KNDC1: variants seen among roughly 807,000 people sequenced by gnomAD.
KNDC1 encodes the protein kinase non-catalytic C-lobe domain-containing protein 1.
In KNDC1, 106 loss-of-function variants were observed where a neutral mutation model predicts 172.8. The observed-to-expected ratio is 0.61, with a 90% CI of 0.52 to 0.72. The LOEUF (loss-of-function observed/expected upper bound fraction) is 0.72, where lower values mean the gene tolerates loss of function less well. Among genes scored for constraint, KNDC1 ranks in the 30% least tolerant of loss-of-function variants. The pLI, the probability that KNDC1 is intolerant of heterozygous loss-of-function variation, is 0.00. For synonymous variants in KNDC1, 1,083 were observed against 1,062.2 expected (o/e 1.02, Z -0.38); for missense variants, 2,325 against 2,394.5 (o/e 0.97, Z 0.61).
chr10:133,224,628 A>C lies in KNDC1; in HGVS notation c.5019-31A>C. 1 of 1,591,106 alleles carries C rather than the reference A, an allele frequency of 6.3e-7. No individual in the cohort carries two copies. The highest frequency in any genetic ancestry group is 8.6e-7 in the Non-Finnish European group (1 of 1,159,894). ...CGGAAGCCGCGCCCCTGCCCTGTGC[A>C]AACTAACGTCTCTTCTTTCCTCAAC... is the stretch of plus-strand genomic sequence containing the variant. On this transcript the variant is annotated intron_variant, in intron 29 of 29. Coordinates refer to ENST00000304613, the MANE Select transcript of KNDC1 (RefSeq NM_152643.8). This position sits in a 1 kb window ranked among gnomAD's most constrained non-coding sequence, Gnocchi z 5.4.
At position 133,160,554 on chromosome 10, in the gene KNDC1, C is replaced by T. The variant is rs1852931173; in HGVS notation, c.87C>T (p.Thr29=). ...TCTACGACTTCGAGCCGCTGCCCACCCTCCCCGAGGACGAGGTGAGCCCCC... is the reference window on the plus strand; with the variant it reads ...TCTACGACTTCGAGCCGCTGCCCACTCTCCCCGAGGACGAGGTGAGCCCCC... The part of the protein sequence containing the change: ...LDFYDFEPLP[T]LPEDEENVSL... Residue 29 remains threonine (T), a synonymous_variant, in exon 1 of 30, where the codon ACC becomes ACT. Transcript: ENST00000304613. 1 of 1,580,928 alleles carries T rather than the reference C, an allele frequency of 6.3e-7. No individual in the cohort carries two copies. The highest frequency in any genetic ancestry group is 8.6e-7 in the Non-Finnish European group (1 of 1,165,190).
At chr10:133,180,297 G>A (rs1020979462) in intron 3 of KNDC1, among the ~76,000 whole-genome samples, 2 of 152,186 alleles carry the variant, frequency 1.3e-5, no homozygotes, top group East Asian at 1.9e-4. Context: ...TCCCTGCATC[G>A]GTGCAAGGCA....
chr10:133,174,158 C>T (rs1853457261), intron 3 of KNDC1: 1 of 152,404 alleles, frequency 6.6e-6, no homozygotes, highest in East Asian at 1.9e-4. Context: ...TGATGTGAGA[C>T]CCACAGGCTG....
At chr10:133,213,513 G>A in intron 24 of KNDC1, 132 bp from the exon 25 acceptor site, 1 of 734,454 alleles carries the variant, frequency 1.4e-6, no homozygotes, top group Non-Finnish European at 2.3e-6. Flanking sequence ...CCTGTGGACT[G>A]TTAGATGGGT....
rs774111402 is a variant in KNDC1, at chr10:133,183,985, G to A, written c.621G>A (p.Leu207=). 36 of 1,564,694 alleles carry A rather than the reference G, an allele frequency of 2.3e-5. No individual in the cohort carries two copies. Among genetic ancestry groups the A allele is most frequent in the Non-Finnish European group, 3.0e-5 (35 of 1,147,638 alleles). Residue 207 remains leucine (L), a synonymous_variant, in exon 5 of 30, where the codon CTG becomes CTA. Coordinates refer to ENST00000304613, the MANE Select transcript of KNDC1 (RefSeq NM_152643.8). ...TCTCCATCGAGTCCTTCGGAGCGCT[G>A]CAGGGTGAGTTCTTGAACCCACACA... ...RVLSIESFGA[L]QDVSESSWRE...
At chr10:133,179,682 G>GCCC (rs1289264480) in intron 3 of KNDC1, among the ~76,000 whole-genome samples, 1 of 152,212 alleles carries the variant, frequency 6.6e-6, no homozygotes, top group Admixed American at 6.5e-5. Flanking sequence ...GCGTGGCCAG[G>GCCC]CCCTGTCCCC....
chr10:133,187,073 A>G (rs2135980485), intron 6 of KNDC1, among the ~76,000 whole-genome samples: 1 of 152,240 alleles, frequency 6.6e-6, no homozygotes, highest in East Asian at 1.9e-4. Flanking sequence ...AGCCCTCCTC[A>G]TCTTCCTATT....
In KNDC1 at chr10:133,218,839, G is replaced by T. The variant is rs753015368; in HGVS notation, c.4686G>T (p.Val1562=). Residue 1562 remains valine, a synonymous_variant, in exon 27 of 30, where the codon GTG becomes GTT. Coordinates refer to ENST00000304613, the MANE Select transcript of KNDC1 (RefSeq NM_152643.8). ...TCATTTTCTTATTGCAGCTGCAGGT[G>T]AACTTGCTGTCCAAATTTTTGCTGA... ...IVTSHTSKLQ[V]NLLSKFLLIA... 2.5e-6 allele frequency: 4 copies of T among 1,611,204 alleles called. No homozygotes were observed. In the South Asian group the frequency reaches 4.4e-5, roughly 18 times the overall value.
chr10:133,201,369 G>A (rs1212490366), intron 16 of KNDC1, 132 bp from the exon 17 acceptor site: 7 of 968,056 alleles, frequency 7.2e-6, no homozygotes, highest in Non-Finnish European at 9.3e-6. Context: ...TGCCCGGGGG[G>A]CGCCCGTGGT....
chr10:133,197,000 G>A, intron 10 of KNDC1, 58 bp from the exon 11 acceptor site: 1 of 1,379,150 alleles, frequency 7.3e-7, no homozygotes. Flanking sequence ...AGTGACACGG[G>A]GACGGTGCAG....
At position 133,198,449 on chromosome 10, in the gene KNDC1, G is replaced by C. The variant is rs1854257976; in HGVS notation, c.2019G>C (p.Glu673Asp). ...ATQLPAAFTSEATHFKPIVLA... is the reference protein window; with the variant it reads ...ATQLPAAFTSDATHFKPIVLA... Reference sequence around the variant, plus strand: ...AGCTGCCTGCAGCGTTCACCTCCGAGGCCACGCACTTCAAGCCCATTGTCC... The same window carrying C: ...AGCTGCCTGCAGCGTTCACCTCCGACGCCACGCACTTCAAGCCCATTGTCC... Residue 673 changes from glutamate (E) to aspartate (D), a missense_variant, in exon 13 of 30, where the codon GAG becomes GAC. Glu to Asp is a conservative substitution (Grantham distance 45). Transcript: ENST00000304613. 12 of 1,605,096 alleles carry C rather than the reference G, an allele frequency of 7.5e-6. No homozygotes were observed. Among genetic ancestry groups the C allele is most frequent in the Non-Finnish European group, 1.0e-5 (12 of 1,176,334 alleles).
Position 133,200,369 on chromosome 10 carries a change from C to T in KNDC1, c.2904-6C>T, listed in dbSNP as rs368722817. 82 of 1,581,896 alleles carry T rather than the reference C, an allele frequency of 5.2e-5. No homozygotes were observed. Among genetic ancestry groups the T allele is most frequent in the Middle Eastern group, 3.3e-4 (2 of 5,976 alleles). ...GGTGGGGACTGACCTGCATTCTCGT[C>T]GTCAGCACGGCCGAGGAGGCTGGGT... On this transcript the variant is annotated splice_region_variant and splice_polypyrimidine_tract_variant and intron_variant, in intron 15 of 29. Transcript: ENST00000304613.
At chr10:133,216,314 T>C (rs1589774943) in intron 26 of KNDC1, among the ~76,000 whole-genome samples, 1 of 138,844 alleles carries the variant, frequency 7.2e-6, no homozygotes, top group East Asian at 2.1e-4. Flanking sequence ...GGTGGCACCG[T>C]TTAGACGACG....
At position 133,201,623 on chromosome 10, in the gene KNDC1, A is replaced by T. The variant is rs35604376; in HGVS notation, c.3112A>T (p.Arg1038Trp). The change falls in exon 17 of 30, where the codon AGG becomes TGG. Residue 1038 changes from arginine (R) to tryptophan (W), a missense_variant. Coordinates refer to ENST00000304613, the MANE Select transcript of KNDC1 (RefSeq NM_152643.8). Reference protein sequence around the residue: ...GNFEVGFRPQRSVKAERAQQP... With the variant: ...GNFEVGFRPQWSVKAERAQQP... ...CTTCGAGGTGGGGTTTCGGCCTCAG[A>T]GGTCCGTAAAAGCCGAGAGAGCGCA... The T allele has an allele frequency of 2.8e-3, 4,588 of 1,613,058 alleles. 115 individuals are homozygous for T. In the African/African-American group the frequency reaches 0.053, roughly 19 times the overall value.
In KNDC1 at chr10:133,220,007, C is replaced by T. The variant is rs377737494; in HGVS notation, c.4913C>T (p.Ala1638Val). 3.3e-5 allele frequency: 52 copies of T among 1,553,686 alleles called. No individual in the cohort carries two copies. The highest frequency in any genetic ancestry group is 4.2e-5 in the Non-Finnish European group (48 of 1,148,508). Residue 1638 changes from alanine (A) to valine (V), a missense_variant, in exon 29 of 30, where the codon GCG (alanine) becomes GTG (valine). Ala to Val is a moderately conservative substitution (Grantham distance 64). Transcript: ENST00000304613. ...LCLMEGRRFR[A>V]QPTLPSAHLL... ...CTGATGGAAGGGCGGCGCTTCCGGG[C>T]GCAGCCCACCCTGCCCTCGGCCCAC...
chr10:133,160,439 C>T lies in KNDC1; in HGVS notation c.-29C>T, dbSNP rs1230941088. 5 of 1,465,920 alleles carry T rather than the reference C, an allele frequency of 3.4e-6. No homozygotes were observed. Among genetic ancestry groups the T allele is most frequent in the Non-Finnish European group, 4.6e-6 (5 of 1,098,884 alleles). 90.8% of individuals were successfully genotyped at this position (1,465,920 alleles called of 1,614,324 possible). ...GCCCAGCCCAGCCCAGCCGGAGGCC[C>T]CGGGGGCGGTGCGCGGCGCGGCCGC... On this transcript the variant is annotated 5_prime_UTR_variant, in exon 1 of 30. Coordinates refer to ENST00000304613, the MANE Select transcript of KNDC1 (RefSeq NM_152643.8).
chr10:133,221,804 C>T (rs1285137836), intron 29 of KNDC1, among the ~76,000 whole-genome samples: 6 of 152,104 alleles, frequency 3.9e-5, no homozygotes, highest in South Asian at 4.1e-4. Flanking sequence ...AGGCCAGACG[C>T]GGCGGCTCAC....
chr10:133,203,114 A>G (rs551179904), intron 17 of KNDC1, among the ~76,000 whole-genome samples: 29 of 87,750 alleles, frequency 3.3e-4, no homozygotes, highest in African/African-American at 8.5e-4. Context: ...CACGGCGTCC[A>G]GCGGGGAGCA....
chr10:133,207,463 T>A (rs1369455314), intron 20 of KNDC1, 112 bp downstream of exon 20: 2 of 988,490 alleles, frequency 2.0e-6, no homozygotes, highest in African/African-American at 3.2e-5. Context: ...CTTTTTAGTT[T>A]AGAGAAATGT....
Sources: gnomAD v4.1 joint callset for allele counts (sites outside exome capture counted in the v4.1 genomes callset) on GRCh38, gnomAD v4.1.1 for gene constraint, Gnocchi (gnomAD v3.1) non-coding constraint, MANE v1.5 for transcripts, NCBI Gene and HGNC (gene_info 2026-07-23, HGNC 2026-07-21) for gene names.